The following TRMO variants were observed in gnomAD, a reference collection of about 807,000 sequenced individuals.
TRMO encodes tRNA methyltransferase O, also known as tRNA (adenine(37)-N6)-methyltransferase.
TRMO carries 30 observed loss-of-function variants against 37.2 expected under a neutral mutation model. That is an observed-to-expected ratio of 0.81 (90% CI 0.60 to 1.09). The LOEUF is 1.09. TRMO is among the 50% of genes least tolerant of loss of function. The pLI is 0.00. For synonymous variants in TRMO, 239 were observed against 199.4 expected (o/e 1.20, Z -1.67); for missense variants, 552 against 549.5 (o/e 1.00, Z -0.05).
At chr9:97,905,232 C>T (rs1825810122) in intron 4 of TRMO, among the ~76,000 whole-genome samples, 2 of 152,152 alleles carry the variant, frequency 1.3e-5, no homozygotes, top group Admixed American at 6.5e-5. Context: ...TAGTATTTTT[C>T]CTTAGTCTCC....
downstream of TRMO, among the ~76,000 whole-genome samples, chr9:97,902,464 G>C (rs1825695706): frequency 6.6e-6 from 1 of 152,058 alleles, no homozygotes; most frequent in Admixed American, 6.5e-5. Flanking sequence ...TTACCACCCA[G>C]CTAATTTTTG....
At chr9:97,906,431 G>A (rs1414003629) in intron 4 of TRMO, among the ~76,000 whole-genome samples, 1 of 152,046 alleles carries the variant, frequency 6.6e-6, no homozygotes. Flanking sequence ...TCCTCTCAGA[G>A]TGCCCACAGC....
At chr9:97,917,959 G>A (rs536962682) in intron 1 of TRMO, among the ~76,000 whole-genome samples, 1 of 150,366 alleles carries the variant, frequency 6.7e-6, no homozygotes, top group Non-Finnish European at 1.5e-5. Context: ...TAGTATTACA[G>A]GTGTGAGCCA....
At chr9:97,919,267 AATCCCTG>A (rs1262307002) in intron 1 of TRMO, among the ~76,000 whole-genome samples, 2 of 152,116 alleles carry the variant, frequency 1.3e-5, no homozygotes, top group Non-Finnish European at 2.9e-5. Flanking sequence ...CCAGCCACAA[AATCCCTG>A]TGTCTTCTTT....
At chr9:97,906,975 T>C (rs1268875432) in intron 4 of TRMO, among the ~76,000 whole-genome samples, 1 of 152,194 alleles carries the variant, frequency 6.6e-6, no homozygotes, top group African/African-American at 2.4e-5. Context: ...ACTGTTTTGT[T>C]CCACCATAAA....
At chr9:97,905,230 T>C (rs1825810005) in intron 4 of TRMO, among the ~76,000 whole-genome samples, 1 of 152,214 alleles carries the variant, frequency 6.6e-6, no homozygotes, top group Admixed American at 6.5e-5. Flanking sequence ...GGTAGTATTT[T>C]TCCTTAGTCT....
At chr9:97,920,531 T>C (rs899076718) in intron 1 of TRMO, among the ~76,000 whole-genome samples, 1 of 152,200 alleles carries the variant, frequency 6.6e-6, no homozygotes, top group Non-Finnish European at 1.5e-5. Flanking sequence ...ACTAATAAAA[T>C]AGGAAAGCAT....
At chr9:97,915,777 C>G (rs1826328945) in intron 2 of TRMO, 1 of 154,484 alleles carries the variant, frequency 6.5e-6, no homozygotes, top group African/African-American at 2.4e-5. Context: ...CCCCTCTTCT[C>G]ACTACTGCAC....
chr9:97,912,873 C>G (rs1257646107), intron 3 of TRMO: 2 of 1,284,462 alleles, frequency 1.6e-6, no homozygotes, highest in South Asian at 2.5e-5. Flanking sequence ...CTTCTACAAC[C>G]TGACCAATGT....
rs61741115 is a variant in TRMO at position 97,916,261 on chromosome 9, T to C, written c.154A>G (p.Ile52Val). 1 of 1,613,622 alleles carries C rather than the reference T, an allele frequency of 6.2e-7. No individual in the cohort carries two copies. Among genetic ancestry groups the C allele is most frequent in the African/African-American group, 1.3e-5 (1 of 74,996 alleles). ...AKNGTPRQPSICSYSRACLRI... is the reference protein window; with the variant it reads ...AKNGTPRQPSVCSYSRACLRI... ...AAACAGGCTCGAGAATAGCTACAAA[T>C]GGATGGCTGTCTTGGAGTACCATTC... Residue 52 changes from isoleucine to valine, a missense_variant, in exon 2 of 5, where the codon ATT (isoleucine) becomes GTT (valine). Coordinates refer to ENST00000375119, the MANE Select transcript of TRMO (RefSeq NM_016481.5).
At chr9:97,898,145 G>C in the TRMO span, among the ~76,000 whole-genome samples, 1 of 152,186 alleles carries the variant, frequency 6.6e-6, no homozygotes, top group Admixed American at 6.5e-5. Context: ...ATATCACTGA[G>C]TTTTTGCACT....
At chr9:97,920,852 C>G (rs1190495223) in intron 1 of TRMO, among the ~76,000 whole-genome samples, 1 of 152,218 alleles carries the variant, frequency 6.6e-6, no homozygotes, top group East Asian at 1.9e-4. Flanking sequence ...GTTATGCTAA[C>G]TCTTTAACTT....
At chr9:97,899,038 C>G in the TRMO span, among the ~76,000 whole-genome samples, 1 of 151,668 alleles carries the variant, frequency 6.6e-6, no homozygotes, top group African/African-American at 2.4e-5. Flanking sequence ...CGGGGTTTCA[C>G]CACGTTAGCC....
At chr9:97,913,665 A>T in intron 2 of TRMO, 107 bp from the exon 3 acceptor site, 2 of 712,072 alleles carry the variant, frequency 2.8e-6, no homozygotes, top group Admixed American at 2.6e-5. Flanking sequence ...AAATTAACAG[A>T]AATCATGTTT....
At chr9:97,910,689 C>A in intron 3 of TRMO, 73 bp from the exon 4 acceptor site, 1 of 1,525,560 alleles carries the variant, frequency 6.6e-7, no homozygotes, top group East Asian at 2.3e-5. Flanking sequence ...CCAGAATCCT[C>A]TAACACTGTC....
Position 97,910,762 on chromosome 9 carries a change from C to T in TRMO, c.410-146G>A. 3 of 893,582 alleles carry T rather than the reference C, an allele frequency of 3.4e-6. No homozygotes were observed. In the South Asian group the frequency reaches 5.2e-5, roughly 15 times the overall value. 55.4% of individuals were successfully genotyped at this position (893,582 alleles called of 1,614,324 possible). On this transcript the variant is annotated intron_variant, in intron 3 of 4. Transcript: ENST00000375119. ...CACAGACCTAGTACCAACACACACC[C>T]TTCTTGCTACCTGGTAGCCCATCCT...
chr9:97,910,660 T>TG, intron 3 of TRMO, 44 bp from the exon 4 acceptor site: 2 of 1,593,368 alleles, frequency 1.3e-6, no homozygotes, highest in Non-Finnish European at 1.7e-6. Context: ...TGCAAACACT[T>TG]GGAGAATACA....
At position 97,910,020 on chromosome 9, in the gene TRMO, T is replaced by A; in HGVS notation, c.1006A>T (p.Thr336Ser). Residue 336 changes from threonine (T) to serine (S), a missense_variant, in exon 4 of 5, where the codon ACT (threonine) becomes TCT (serine). By Grantham distance (58) the Thr-to-Ser change is moderately conservative (BLOSUM62 1). Transcript: ENST00000375119. ...TGAGGAGTAAACCGCACTTCTAAAG[T>A]GGCCACAGGAGCCTCTGTCACCCAG... is the stretch of plus-strand genomic sequence containing the variant. ...PAWVTEAPVA[T>S]LEVRFTPHAE... 4.4e-6 allele frequency: 7 copies of A among 1,602,054 alleles called. No individual in the cohort carries two copies. The highest frequency in any genetic ancestry group is 6.0e-6 in the Non-Finnish European group (7 of 1,173,362).
chr9:97,910,946 G>A (rs946537553), intron 3 of TRMO: 11 of 514,676 alleles, frequency 2.1e-5, no homozygotes, highest in Non-Finnish European at 3.4e-5. Context: ...CCCACGGTAG[G>A]GTAGTGACCT....
Sources: gnomAD v4.1 joint callset for allele counts (sites outside exome capture counted in the v4.1 genomes callset) on GRCh38, gnomAD v4.1.1 for gene constraint, MANE v1.5 for transcripts, NCBI Gene and HGNC (gene_info 2026-07-23, HGNC 2026-07-21) for gene names.